Variants in OTOF observed in about 807,000 individuals in gnomAD.
The protein encoded by OTOF is otoferlin.
In OTOF, 218 loss-of-function variants were observed where a neutral mutation model predicts 236.8. That is an observed-to-expected ratio of 0.92 (90% CI 0.82 to 1.03). The LOEUF (loss-of-function observed/expected upper bound fraction) is 1.03. Among genes scored for constraint, OTOF ranks in the 50% least tolerant of loss-of-function variants. OTOF has a pLI of 0.00. For synonymous variants in OTOF, 1,041 were observed against 1,072.5 expected (o/e 0.97, Z 0.57); for missense variants, 2,590 against 2,694.4 (o/e 0.96, Z 0.86).
intron 8 of OTOF, among the ~76,000 whole-genome samples, chr2:26,498,077 C>T (rs1486063109): frequency 6.6e-6 from 1 of 152,234 alleles, no homozygotes; most frequent in Non-Finnish European, 1.5e-5. Context: ...GTCCTCTTCC[C>T]ACTGCCAAGA....
intron 8 of OTOF, among the ~76,000 whole-genome samples, chr2:26,499,939 A>G (rs1666077719): frequency 6.6e-6 from 1 of 152,238 alleles, no homozygotes; most frequent in African/African-American, 2.4e-5. Flanking sequence ...AAATACAACA[A>G]CCGTTTTGTT....
rs141973547 is a variant in OTOF, at chr2:26,473,154, C to T, written c.3711G>A (p.Ser1237=). Reference sequence around the variant, plus strand: ...TACCCGTGGTGTTCCAGCTGGGGGCCGAGCGGTCTGGGGGCCGGTAGATGA... The same window carrying T: ...TACCCGTGGTGTTCCAGCTGGGGGCTGAGCGGTCTGGGGGCCGGTAGATGA... ...RRFIYRPPDR[S]APSWNTTVRL... Residue 1237 remains serine, a synonymous_variant, in exon 29 of 47, where the codon TCG becomes TCA. Transcript: ENST00000272371. The surrounding 1 kb of genome is among the most constrained non-coding windows in gnomAD (Gnocchi z 7.2). 44 of 1,612,524 alleles carry T rather than the reference C, an allele frequency of 2.7e-5. No homozygotes were observed. In the African/African-American group the frequency reaches 4.8e-4, roughly 18 times the overall value.
chr2:26,530,796 C>T (rs1456507178), intron 2 of OTOF, among the ~76,000 whole-genome samples: 6 of 152,096 alleles, frequency 3.9e-5, no homozygotes, highest in Admixed American at 3.9e-4. Context: ...GCAATCCATT[C>T]CAGAAGCTTT....
chr2:26,473,549 G>T lies in OTOF; in HGVS notation c.3427C>A (p.Arg1143=). The change falls in exon 28 of 47, where the codon CGG becomes AGG. Residue 1143 remains arginine (R), a synonymous_variant. Transcript: ENST00000272371. This position sits in a 1 kb window ranked among gnomAD's most constrained non-coding sequence, Gnocchi z 7.2. ...YRVEVLFWGL[R]DLKRVNLAQV... ...GCCAGGTTCACCCGCTTTAGGTCCC[G>T]TAGGCCCCAGAACAGCACCTGGGAG... The T allele has an allele frequency of 1.2e-6, 2 of 1,608,732 alleles. No individual in the cohort carries two copies. The highest frequency in any genetic ancestry group is 1.7e-6 in the Non-Finnish European group (2 of 1,178,984).
rs1666121138 is a variant in OTOF at position 26,501,788 on chromosome 2, A to G, written c.731T>C (p.Met244Thr). Residue 244 changes from methionine (M) to threonine (T), a missense_variant, in exon 8 of 47, where the codon ATG (methionine) becomes ACG (threonine). Met to Thr is a moderately conservative substitution (Grantham distance 81, BLOSUM62 -1). Coordinates refer to ENST00000272371, the MANE Select transcript of OTOF (RefSeq NM_194248.3). ...SNKRSKPDIKMEPSAGRPMDY... is the reference protein window; with the variant it reads ...SNKRSKPDIKTEPSAGRPMDY... The stretch of plus-strand genomic sequence containing the variant: ...CATGGGCCGCCCAGCACTTGGCTCC[A>G]TCTTAATGTCTGGCTTAGATCTGAG... The G allele has an allele frequency of 1.9e-6, 3 of 1,613,828 alleles. No homozygotes were observed. Among genetic ancestry groups the G allele is most frequent in the Middle Eastern group, 3.3e-4 (2 of 6,062 alleles).
chr2:26,486,262 G>GTGGA (rs1441130480), intron 11 of OTOF, among the ~76,000 whole-genome samples: 2 of 146,698 alleles, frequency 1.4e-5, no homozygotes, highest in African/African-American at 5.0e-5. Context: ...GGGTGGGTGG[G>GTGGA]TGGATGGATG....
Position 26,461,824 on chromosome 2 carries a change from G to A in OTOF, c.5405C>T (p.Ala1802Val), listed in dbSNP as rs144562626. The A allele has an allele frequency of 1.2e-4, 196 of 1,614,148 alleles. No individual in the cohort carries two copies. In the Middle Eastern group the frequency reaches 1.3e-3, roughly 11 times the overall value. ...RYLFPFDYLA[A>V]EEKIVISKKE... ...CTTGGAGATGACGATCTTCTCCTCC[G>A]CCGCCAGGTAGTCGAAGGGGAACAG... Residue 1802 changes from alanine to valine, a missense_variant, in exon 43 of 47, where the codon GCG (alanine) becomes GTG (valine). Ala to Val is a moderately conservative substitution (Grantham distance 64). Around this residue, in one of 2 missense-constraint regions of OTOF, gnomAD observed 1,211 missense variants for 1,352.8 expected, o/e 0.90. Transcript: ENST00000272371. This position sits in a 1 kb window ranked among gnomAD's most constrained non-coding sequence, Gnocchi z 6.2.
In OTOF at chr2:26,480,501, A is replaced by G. The variant is rs6719195; in HGVS notation, c.1804-190T>C. On this transcript the variant is annotated intron_variant, in intron 15 of 46. Transcript: ENST00000272371. ...TATCCATGGAAGCAGGGCTGGCTGC[A>G]GACACCACAGGGACAGCCGTGGCTG... Among the ~76,000 whole-genome samples, 149,987 of 152,340 alleles carry G rather than the reference A, an allele frequency of 0.98. 73,846 individuals carry two copies. The highest frequency in any genetic ancestry group is 1 in the Middle Eastern group (294 of 294).
intron 1 of OTOF, among the ~76,000 whole-genome samples, chr2:26,547,037 A>G (rs192002039): frequency 9.8e-5 from 15 of 152,326 alleles, no homozygotes; most frequent in African/African-American, 3.4e-4. Flanking sequence ...CACAGTGTTG[A>G]ACAGAAGTGG....
intron 25 of OTOF, among the ~76,000 whole-genome samples, chr2:26,475,077 G>A (rs977766719): frequency 6.6e-6 from 1 of 152,050 alleles, no homozygotes. Context: ...CCCTGGGGTG[G>A]GGAGGCTAGT....
Position 26,477,977 on chromosome 2 carries a change from G to A in OTOF, c.2215-228C>T, listed in dbSNP as rs1665403599. 6.8e-7 allele frequency: 1 copy of A among 1,464,282 alleles called. No individual in the cohort carries two copies. Among genetic ancestry groups the A allele is most frequent in the African/African-American group, 1.4e-5 (1 of 70,110 alleles). 90.7% of individuals were successfully genotyped at this position (1,464,282 alleles called of 1,614,324 possible). A position where few individuals can be genotyped will look rare whatever the true frequency, so the allele number is the denominator to read the frequency against. On this transcript the variant is annotated intron_variant, in intron 18 of 46. Transcript: ENST00000272371. The surrounding 1 kb of genome is among the most constrained non-coding windows in gnomAD (Gnocchi z 4.7). ...GGGGGTTCTTCAGTTCCTGAAGGAA[G>A]AAGCCACCTCTGGGCTGTGAGTCTG...
At chr2:26,533,136 C>T (rs1666989297) in intron 2 of OTOF, among the ~76,000 whole-genome samples, 1 of 152,132 alleles carries the variant, frequency 6.6e-6, no homozygotes, top group Non-Finnish European at 1.5e-5. Context: ...AGTGTGAACC[C>T]TACTGTGAAC....
Position 26,466,030 on chromosome 2 carries a change from T to C in OTOF, c.4547A>G (p.Tyr1516Cys). Residue 1516 changes from tyrosine (Y) to cysteine (C), a missense_variant, in exon 37 of 47, where the codon TAC (tyrosine) becomes TGC (cysteine). Tyr to Cys is a radical substitution (Grantham distance 194). Coordinates refer to ENST00000272371, the MANE Select transcript of OTOF (RefSeq NM_194248.3). ...PADINGKADP[Y>C]IAIRLGKTDI... ...AGTCTTGCCTAGCCGGATGGCGATG[T>C]AGGGGTCAGCTTTGCCGTTGATGTC... The C allele has an allele frequency of 6.2e-7, 1 of 1,614,244 alleles. No individual in the cohort carries two copies. Among genetic ancestry groups the C allele is most frequent in the Non-Finnish European group, 8.5e-7 (1 of 1,180,042 alleles).
In OTOF at chr2:26,511,617, T is replaced by C. The variant is rs548809127; in HGVS notation, c.509+4801A>G. Among the ~76,000 whole-genome samples, 7 of 152,312 alleles carry C rather than the reference T, an allele frequency of 4.6e-5. No homozygotes were observed. The South Asian group carries it at 1.2e-3, about 27-fold the overall frequency. ...GCAGTCCAGCGCTGGCCAGCTAACC[T>C]TTACGTTGGGCAAGCAGGTCAGTCT... On this transcript the variant is annotated intron_variant, in intron 5 of 46. Coordinates refer to ENST00000272371, the MANE Select transcript of OTOF (RefSeq NM_194248.3).
rs748846283 is a variant in OTOF, at chr2:26,461,023, G to A, written c.5541C>T (p.Ile1847=). Residue 1847 remains isoleucine (I), a synonymous_variant, in exon 44 of 47, where the codon ATC becomes ATT. Coordinates refer to ENST00000272371, the MANE Select transcript of OTOF (RefSeq NM_194248.3). This position sits in a 1 kb window ranked among gnomAD's most constrained non-coding sequence, Gnocchi z 6.2. ...GCGGGAACCGGTTCAGGTCCAGCTC[G>A]ATGGCCCCTGTGGCAACCTCAGTGT... is the stretch of plus-strand genomic sequence containing the variant. The part of the protein sequence containing the change: ...HFSADDFLGA[I]ELDLNRFPRG... 20 of 1,587,458 alleles carry A rather than the reference G, an allele frequency of 1.3e-5. No homozygotes were observed. The highest frequency in any genetic ancestry group is 9.5e-5 in the African/African-American group (7 of 73,814).
chr2:26,536,566 G>A (rs1667075010), intron 2 of OTOF, among the ~76,000 whole-genome samples: 1 of 152,138 alleles, frequency 6.6e-6, no homozygotes, highest in African/African-American at 2.4e-5. Flanking sequence ...GATGGACACA[G>A]CCACATCGTG....
chr2:26,491,968 C>T (rs1665860037), intron 9 of OTOF, among the ~76,000 whole-genome samples: 1 of 152,238 alleles, frequency 6.6e-6, no homozygotes, highest in Non-Finnish European at 1.5e-5. Context: ...GTTCCCACCT[C>T]CCTCTGTTGT....
At chr2:26,494,577 C>T (rs1665929052) in intron 9 of OTOF, among the ~76,000 whole-genome samples, 1 of 148,178 alleles carries the variant, frequency 6.7e-6, no homozygotes, top group Non-Finnish European at 1.5e-5. Flanking sequence ...CCAGTGCCAC[C>T]ATGGGTTGGA....
intron 2 of OTOF, among the ~76,000 whole-genome samples, chr2:26,536,885 G>A (rs1300630207): frequency 4.6e-5 from 7 of 152,190 alleles, no homozygotes; most frequent in South Asian, 2.1e-4. Context: ...ACACATAGAC[G>A]AAAGAATGTG....
Sources: allele counts gnomAD v4.1 joint callset (sites outside exome capture counted in the v4.1 genomes callset), GRCh38; gene constraint gnomAD v4.1.1; regional missense constraint gnomAD v4.1.1; non-coding constraint Gnocchi (gnomAD v3.1); transcripts MANE v1.5; gene names NCBI Gene and HGNC (gene_info 2026-07-23, HGNC 2026-07-21).